Variants in MSI2 observed in about 807,000 individuals in gnomAD.
The protein encoded by MSI2 is musashi RNA binding protein 2.
A neutral mutation model predicts 45.6 loss-of-function variants in MSI2; 17 were observed. That is an observed-to-expected ratio of 0.37 (90% confidence interval 0.26 to 0.56). The LOEUF is 0.56. MSI2 is among the 20% of genes least tolerant of loss of function. The pLI is 0.77. For synonymous variants in MSI2, 156 were observed against 158.2 expected, an observed-to-expected ratio of 0.99 and a Z score of 0.11; for missense variants, 293 against 444.2, an observed-to-expected ratio of 0.66 and a Z score of 3.06.
chr17:57,513,896 T>G (rs1213274903), intron 6 of MSI2, among the ~76,000 whole-genome samples: 1 of 152,192 alleles, frequency 6.6e-6, no homozygotes, highest in Non-Finnish European at 1.5e-5. Context: ...TGAGGAGCAG[T>G]TTAATTAAAA....
chr17:57,311,156 C>T (rs1375675176), intron 5 of MSI2, among the ~76,000 whole-genome samples: 1 of 152,188 alleles, frequency 6.6e-6, no homozygotes, highest in African/African-American at 2.4e-5. Context: ...GTCCATCCCA[C>T]TGGTGGCTTG....
intron 11 of MSI2, among the ~76,000 whole-genome samples, chr17:57,664,078 T>G (rs1269259150): frequency 6.6e-6 from 1 of 152,116 alleles, no homozygotes; most frequent in Non-Finnish European, 1.5e-5. Flanking sequence ...GTTCCAGGCC[T>G]GCTTCCACCT....
At chr17:57,590,552 A>G (rs1904731604) in intron 7 of MSI2, among the ~76,000 whole-genome samples, 1 of 152,234 alleles carries the variant, frequency 6.6e-6, no homozygotes, top group African/African-American at 2.4e-5. Flanking sequence ...GTTAGTTTCT[A>G]ATAATAGCTT....
At chr17:57,362,078 G>C (rs1435746471) in intron 5 of MSI2, among the ~76,000 whole-genome samples, 1 of 152,194 alleles carries the variant, frequency 6.6e-6, no homozygotes, top group East Asian at 1.9e-4. Context: ...TTGTTGGCCT[G>C]TGGTCTTGAC....
At chr17:57,430,348 G>A (rs1042582422) in intron 6 of MSI2, among the ~76,000 whole-genome samples, 4 of 151,876 alleles carry the variant, frequency 2.6e-5, no homozygotes, top group African/African-American at 4.8e-5. Context: ...ATCTCAGTCC[G>A]CCTTCTTTCT....
chr17:57,591,616 A>G (rs1904837313), intron 7 of MSI2, among the ~76,000 whole-genome samples: 1 of 151,900 alleles, frequency 6.6e-6, no homozygotes, highest in South Asian at 2.1e-4. Flanking sequence ...AGTCTCAGCT[A>G]CCTGACAGCC....
intron 5 of MSI2, among the ~76,000 whole-genome samples, chr17:57,316,704 T>C (rs543279385): frequency 6.6e-6 from 1 of 152,270 alleles, no homozygotes; most frequent in South Asian, 2.1e-4. Context: ...CCCATGGTCT[T>C]TGGAGGCATG....
chr17:57,617,332 C>A (rs1412048051), intron 9 of MSI2, among the ~76,000 whole-genome samples: 2 of 151,870 alleles, frequency 1.3e-5, no homozygotes, highest in Admixed American at 6.5e-5. Flanking sequence ...GAAGAAGAAA[C>A]AAGTGAGAAT....
At chr17:57,463,881 G>C (rs980884389) in intron 6 of MSI2, among the ~76,000 whole-genome samples, 4 of 151,996 alleles carry the variant, frequency 2.6e-5, no homozygotes, top group Non-Finnish European at 4.4e-5. Flanking sequence ...ACACTTTCTG[G>C]ATCCTTAGAC....
chr17:57,483,363 T>C (rs913180155), intron 6 of MSI2, among the ~76,000 whole-genome samples: 3 of 151,746 alleles, frequency 2.0e-5, no homozygotes, highest in African/African-American at 7.3e-5. Context: ...ACTGAAAGAG[T>C]AAAAAGAAAA....
At chr17:57,308,951 C>T (rs967909700) in intron 5 of MSI2, among the ~76,000 whole-genome samples, 3 of 152,114 alleles carry the variant, frequency 2.0e-5, no homozygotes, top group African/African-American at 4.8e-5. Context: ...TTCAGTTACT[C>T]GTGCAAGGCC....
At chr17:57,381,240 A>AT (rs2083592442) in intron 5 of MSI2, among the ~76,000 whole-genome samples, 1 of 151,040 alleles carries the variant, frequency 6.6e-6, no homozygotes, top group Non-Finnish European at 1.5e-5. Flanking sequence ...TAATTTTTGT[A>AT]TTTTTTTTAG....
intron 6 of MSI2, among the ~76,000 whole-genome samples, chr17:57,497,799 C>T (rs139313220): frequency 2.6e-5 from 4 of 152,254 alleles, no homozygotes; most frequent in East Asian, 3.9e-4. Flanking sequence ...AGTTGGGGGC[C>T]GCTGCACTGT....
At chr17:57,341,109 A>G (rs903331044) in intron 5 of MSI2, among the ~76,000 whole-genome samples, 3 of 152,056 alleles carry the variant, frequency 2.0e-5, no homozygotes, top group African/African-American at 7.2e-5. Context: ...TAGAACATGG[A>G]TGATATGAGA....
At chr17:57,425,342 A>G (rs2084471364) in intron 6 of MSI2, among the ~76,000 whole-genome samples, 1 of 152,248 alleles carries the variant, frequency 6.6e-6, no homozygotes, top group South Asian at 2.1e-4. Context: ...ACTAGAAAAA[A>G]TTAAATACAT....
At chr17:57,528,348 A>C (rs1255558944) in intron 6 of MSI2, among the ~76,000 whole-genome samples, 2 of 152,152 alleles carry the variant, frequency 1.3e-5, no homozygotes. Flanking sequence ...CTTGAGCTCT[A>C]CGTGGGAGTT....
intron 6 of MSI2, among the ~76,000 whole-genome samples, chr17:57,447,761 C>T (rs17761608): frequency 0.17 from 26,200 of 152,076 alleles, 2,930 homozygotes; most frequent in Non-Finnish European, 0.24. Flanking sequence ...TGCTTGGCTT[C>T]TGGAATGACA....
At chr17:57,577,009 G>A (rs1275866878) in intron 7 of MSI2, among the ~76,000 whole-genome samples, 1 of 152,074 alleles carries the variant, frequency 6.6e-6, no homozygotes, top group Non-Finnish European at 1.5e-5. Flanking sequence ...TATTTTAAGA[G>A]GGGCATTGAC....
intron 6 of MSI2, 59 bp downstream of exon 6, chr17:57,401,530 A>C: frequency 7.2e-7 from 1 of 1,380,158 alleles, no homozygotes; most frequent in Non-Finnish European, 1.0e-6. Flanking sequence ...AGTCCTAAGA[A>C]GAGGCTACCG....
Sources: gnomAD v4.1 joint callset for allele counts (sites outside exome capture counted in the v4.1 genomes callset) on GRCh38, gnomAD v4.1.1 for gene constraint, MANE v1.5 for transcripts, NCBI Gene and HGNC (gene_info 2026-07-23, HGNC 2026-07-21) for gene names.